Variants in COLEC10 observed in about 807,000 individuals in gnomAD.
COLEC10 encodes the protein collectin-10.
COLEC10 carries 22 observed loss-of-function variants against 28.4 expected under a neutral mutation model. The ratio of observed to expected loss-of-function variants is 0.78; its 90% confidence interval spans 0.55 to 1.11. The LOEUF (loss-of-function observed/expected upper bound fraction) is 1.11, where lower values mean the gene tolerates loss of function less well. Among genes scored for constraint, COLEC10 ranks in the 50% least tolerant of loss-of-function variants. COLEC10 has a pLI of 0.00. For missense variants in COLEC10, 361 were observed against 344.1 expected (o/e 1.05, Z -0.39); for synonymous variants, 125 against 116.1 (o/e 1.08, Z -0.49).
intron 2 of COLEC10, among the ~76,000 whole-genome samples, chr8:119,035,414 C>T (rs1298202896): frequency 6.6e-6 from 1 of 152,156 alleles, no homozygotes; most frequent in Admixed American, 6.6e-5. Context: ...AATGGCTGAC[C>T]CTGCTGAGCT....
chr8:119,042,827 A>G (rs143450654), intron 2 of COLEC10, among the ~76,000 whole-genome samples: 1 of 152,386 alleles, frequency 6.6e-6, no homozygotes, highest in East Asian at 1.9e-4. Flanking sequence ...TAAAAATCCT[A>G]GAACATTAGC....
chr8:119,084,102 C>T (rs1284904591), intron 1 of COLEC10, among the ~76,000 whole-genome samples: 1 of 152,150 alleles, frequency 6.6e-6, no homozygotes, highest in East Asian at 1.9e-4. Flanking sequence ...CCTAAATTTC[C>T]ATCACAAAGC....
rs752683234 is a variant in COLEC10 at position 119,091,229 on chromosome 8, C to T, written c.292+9C>T. The T allele has an allele frequency of 1.2e-6, 2 of 1,606,000 alleles. No homozygotes were observed. Among genetic ancestry groups the T allele is most frequent in the East Asian group, 2.2e-5 (1 of 44,728 alleles). On this transcript the variant is annotated intron_variant, in intron 3 of 5. Coordinates refer to ENST00000332843, the MANE Select transcript of COLEC10 (RefSeq NM_006438.5). ...GCCCATTGGGAAGAAGGGTAAGTTG[C>T]ATCTTACTATTCTCCAGTAGCAATT...
chr8:118,971,207 C>A, the COLEC10 span, among the ~76,000 whole-genome samples: 2 of 151,874 alleles, frequency 1.3e-5, no homozygotes, highest in African/African-American at 4.8e-5. Context: ...ACTGGGCTTG[C>A]TATCTTACCA....
At chr8:118,958,521 T>C in the COLEC10 span, among the ~76,000 whole-genome samples, 2 of 152,280 alleles carry the variant, frequency 1.3e-5, no homozygotes, top group Non-Finnish European at 2.9e-5. Context: ...GAATGCCTCC[T>C]CGGCAAGAAA....
chr8:118,977,620 G>C, the COLEC10 span, among the ~76,000 whole-genome samples: 4 of 120,530 alleles, frequency 3.3e-5, no homozygotes, highest in African/African-American at 6.5e-5. Context: ...GGAGGGGGGA[G>C]GGATAGCATC....
upstream of COLEC10, among the ~76,000 whole-genome samples, chr8:118,993,145 C>T (rs1586986276): frequency 2.6e-5 from 4 of 152,196 alleles, no homozygotes; most frequent in Admixed American, 6.5e-5. Flanking sequence ...ACATTAGTTT[C>T]CTAGGGTGTC....
chr8:118,994,260 A>G (rs1439492955), upstream of COLEC10, among the ~76,000 whole-genome samples: 1 of 152,132 alleles, frequency 6.6e-6, no homozygotes, highest in Admixed American at 6.5e-5. Flanking sequence ...CAAATCATGT[A>G]ACAGTTTACC....
chr8:119,086,288 A>C lies in COLEC10; in HGVS notation c.149-3392A>C, dbSNP rs1188248342. On this transcript the variant is annotated intron_variant, in intron 1 of 5. Coordinates refer to ENST00000332843, the MANE Select transcript of COLEC10 (RefSeq NM_006438.5). ...TTTATAGCTTTTCACTTAATTTTCAAATACAAGTGGCTATTTCTAAATGAA... is the reference window on the plus strand; with the variant it reads ...TTTATAGCTTTTCACTTAATTTTCACATACAAGTGGCTATTTCTAAATGAA... Among the ~76,000 whole-genome samples the C allele has an allele frequency of 4.6e-5, 7 of 152,212 alleles. No individual in the cohort carries two copies. In the East Asian group the frequency reaches 1.3e-3, roughly 29 times the overall value.
the COLEC10 span, among the ~76,000 whole-genome samples, chr8:118,977,582 A>C: frequency 1.6e-5 from 2 of 124,986 alleles, no homozygotes; most frequent in Non-Finnish European, 3.2e-5. Context: ...GGGGAACATC[A>C]CACTCTGTGG....
At chr8:118,966,076 T>C in the COLEC10 span, among the ~76,000 whole-genome samples, 1 of 151,938 alleles carries the variant, frequency 6.6e-6, no homozygotes, top group African/African-American at 2.4e-5. Flanking sequence ...CTAAGTTAAA[T>C]GGAAAAAGAC....
chr8:118,989,931 G>A, the COLEC10 span, among the ~76,000 whole-genome samples: 1 of 151,996 alleles, frequency 6.6e-6, no homozygotes, highest in Non-Finnish European at 1.5e-5. Flanking sequence ...CATTTCCTTT[G>A]AGCATCAGGT....
rs535054875 is a variant in COLEC10, at chr8:119,097,709, T to C, written c.293-4639T>C. Among the ~76,000 whole-genome samples, 4 of 152,224 alleles carry C rather than the reference T, an allele frequency of 2.6e-5. No homozygotes were observed. The East Asian group carries it at 7.7e-4, about 29-fold the overall frequency. On this transcript the variant is annotated intron_variant, in intron 3 of 5. Coordinates refer to ENST00000332843, the MANE Select transcript of COLEC10 (RefSeq NM_006438.5). ...ACCACTGGTTAAAGACAGAAAGGTA[T>C]AGCAGGAAAGTGGGATGTTGGACTT... is the stretch of plus-strand genomic sequence containing the variant.
At chr8:119,068,597 C>T (rs1263129388) in intron 1 of COLEC10, 1 of 152,072 alleles carries the variant, frequency 6.6e-6, no homozygotes, top group East Asian at 1.9e-4. Flanking sequence ...TTTTCCTTGT[C>T]CCTGCAAATG....
chr8:118,998,703 C>T (rs1045294665), intron 1 of COLEC10, among the ~76,000 whole-genome samples: 11 of 150,380 alleles, frequency 7.3e-5, no homozygotes, highest in Non-Finnish European at 1.6e-4. Flanking sequence ...AAAAATTAGC[C>T]AGGCGTGGTG....
the COLEC10 span, among the ~76,000 whole-genome samples, chr8:118,975,586 G>A: frequency 0.017 from 2,562 of 152,118 alleles, 67 homozygotes; most frequent in African/African-American, 0.059. Flanking sequence ...TTTAGGCATG[G>A]ACAGATCCTA....
intron 1 of COLEC10, among the ~76,000 whole-genome samples, chr8:118,995,730 G>A (rs1159693625): frequency 6.6e-6 from 1 of 152,148 alleles, no homozygotes; most frequent in Admixed American, 6.6e-5. Flanking sequence ...AGATGCTACT[G>A]TATTTAGGGA....
At chr8:118,974,847 G>A in the COLEC10 span, among the ~76,000 whole-genome samples, 3 of 151,916 alleles carry the variant, frequency 2.0e-5, no homozygotes, top group Non-Finnish European at 4.4e-5. Flanking sequence ...TAGTTTAAAC[G>A]CACTAATTGC....
intron 1 of COLEC10, among the ~76,000 whole-genome samples, chr8:119,083,262 T>C (rs1194656532): frequency 6.6e-6 from 1 of 152,180 alleles, no homozygotes; most frequent in Non-Finnish European, 1.5e-5. Context: ...CTCTTAATGG[T>C]GTCAAAATAG....
Sources: gnomAD v4.1 joint callset for allele counts (sites outside exome capture counted in the v4.1 genomes callset) on GRCh38, gnomAD v4.1.1 for gene constraint, MANE v1.5 for transcripts, NCBI Gene and HGNC (gene_info 2026-07-23, HGNC 2026-07-21) for gene names.